The following SLC39A11 variants were observed in gnomAD, a reference collection of about 807,000 sequenced individuals.
SLC39A11 encodes the protein zinc transporter ZIP11.
SLC39A11 carries 33 observed loss-of-function variants against 36.1 expected under a neutral mutation model. That is an observed-to-expected ratio of 0.91 (90% confidence interval 0.69 to 1.22). The LOEUF is 1.22. SLC39A11 is among the 50% of genes most tolerant of loss of function. The pLI is 0.00. For synonymous variants in SLC39A11, 166 were observed against 170.3 expected, an observed-to-expected ratio of 0.97 and a Z score of 0.20; for missense variants, 432 against 430.3, an observed-to-expected ratio of 1.00 and a Z score of -0.03.
intron 6 of SLC39A11, among the ~76,000 whole-genome samples, chr17:72,759,384 C>A (rs555759647): frequency 1.1e-4 from 16 of 152,270 alleles, no homozygotes; most frequent in African/African-American, 3.9e-4. Context: ...TCACTTCACA[C>A]AAACTACAAA....
At chr17:72,662,791 G>T (rs1260952293) in intron 7 of SLC39A11, among the ~76,000 whole-genome samples, 1 of 150,764 alleles carries the variant, frequency 6.6e-6, no homozygotes, top group African/African-American at 2.4e-5. Context: ...AAGGAAGGAA[G>T]GAGGGAAGAA....
intron 5 of SLC39A11, among the ~76,000 whole-genome samples, chr17:72,934,616 A>C (rs1474995225): frequency 6.6e-6 from 1 of 152,176 alleles, no homozygotes; most frequent in Non-Finnish European, 1.5e-5. Context: ...CTGTGAGCCG[A>C]GATTGCGCCA....
In SLC39A11 at chr17:72,649,176, G is replaced by C; in HGVS notation, c.764C>G (p.Ala255Gly). 1.9e-6 allele frequency: 3 copies of C among 1,613,466 alleles called. No individual in the cohort carries two copies. Among genetic ancestry groups the C allele is most frequent in the Non-Finnish European group, 2.5e-6 (3 of 1,179,702 alleles). Reference protein sequence around the residue: ...LRGAGFSTWRAFWYGQLSGMV... With the variant: ...LRGAGFSTWRGFWYGQLSGMV... ...GCCCTTGGGCAGCACTCACCAGAAA[G>C]CTCTCCAGGTGGAGAAGCCTGCCCC... is the stretch of plus-strand genomic sequence containing the variant. The change falls in exon 8 of 10, where the codon GCT (alanine) becomes GGT (glycine). Residue 255 changes from alanine to glycine, a missense_variant. Physicochemically the swap from Ala to Gly is moderately conservative, Grantham distance 60. Coordinates refer to ENST00000255559, the MANE Select transcript of SLC39A11 (RefSeq NM_139177.4).
intron 6 of SLC39A11, among the ~76,000 whole-genome samples, chr17:72,796,222 C>A (rs1854998972): frequency 6.6e-6 from 1 of 152,120 alleles, no homozygotes; most frequent in African/African-American, 2.4e-5. Context: ...TTTTCCAACA[C>A]ACGAGACAGA....
intron 7 of SLC39A11, among the ~76,000 whole-genome samples, chr17:72,714,087 G>A (rs1343246424): frequency 6.6e-6 from 1 of 152,220 alleles, no homozygotes; most frequent in Non-Finnish European, 1.5e-5. Flanking sequence ...CGGGCGCGGT[G>A]GCTAAAGCCT....
At position 72,794,102 on chromosome 17, in the gene SLC39A11, C is replaced by T. The variant is rs146923772; in HGVS notation, c.601+55532G>A. Among the ~76,000 whole-genome samples, 40 of 152,270 alleles carry T rather than the reference C, an allele frequency of 2.6e-4. No homozygotes were observed. In the East Asian group the frequency reaches 4.2e-3, roughly 16 times the overall value. On this transcript the variant is annotated intron_variant, in intron 6 of 9. Coordinates refer to ENST00000255559, the MANE Select transcript of SLC39A11 (RefSeq NM_139177.4). ...GGCATTCTCCTGAGAGAAGCTTTAC[C>T]CATCCTGAGAAAATGAGATTTTGCA...
At chr17:73,036,893 T>TC (rs2058936523) in intron 3 of SLC39A11, among the ~76,000 whole-genome samples, 1 of 152,224 alleles carries the variant, frequency 6.6e-6, no homozygotes, top group Non-Finnish European at 1.5e-5. Flanking sequence ...TATTCATCCC[T>TC]CCTTCCCCGC....
intron 4 of SLC39A11, among the ~76,000 whole-genome samples, chr17:73,027,293 T>C (rs2058588846): frequency 6.6e-6 from 1 of 152,254 alleles, no homozygotes; most frequent in Non-Finnish European, 1.5e-5. Context: ...GGGCTCCAGC[T>C]GGCCTCGAAA....
At chr17:73,015,716 G>C (rs2090765252) in intron 4 of SLC39A11, among the ~76,000 whole-genome samples, 1 of 152,080 alleles carries the variant, frequency 6.6e-6, no homozygotes, top group African/African-American at 2.4e-5. Flanking sequence ...CCAAGTAGCT[G>C]GGATTACAGA....
intron 5 of SLC39A11, among the ~76,000 whole-genome samples, chr17:72,932,164 A>G (rs921805068): frequency 3.3e-5 from 5 of 152,074 alleles, no homozygotes; most frequent in South Asian, 4.1e-4. Flanking sequence ...AGCATTTTAC[A>G]TGTATTCACT....
chr17:72,849,351 T>G (rs1321605441), intron 6 of SLC39A11, among the ~76,000 whole-genome samples: 1 of 152,236 alleles, frequency 6.6e-6, no homozygotes, highest in Admixed American at 6.5e-5. Flanking sequence ...AGCAATCATG[T>G]AACAGTTATG....
Position 72,849,645 on chromosome 17 carries a change from T to G in SLC39A11, c.590A>C (p.His197Pro). 1.3e-6 allele frequency: 2 copies of G among 1,557,568 alleles called. No homozygotes were observed. Among genetic ancestry groups the G allele is most frequent in the South Asian group, 2.4e-5 (2 of 82,216 alleles). ...IALLILAITI[H>P]NVPEGLAVGV... is the part of the protein sequence containing the mutation. ...GGGCAAGACCTCACCTGGAACGTTG[T>G]GTATAGTGATGGCCAAGATGAGCAG... is the stretch of plus-strand genomic sequence containing the variant. The change falls in exon 6 of 10, where the codon CAC (histidine) becomes CCC (proline). Residue 197 changes from histidine to proline, a missense_variant. Coordinates refer to ENST00000255559, the MANE Select transcript of SLC39A11 (RefSeq NM_139177.4).
intron 3 of SLC39A11, among the ~76,000 whole-genome samples, chr17:73,084,328 T>C (rs1006619516): frequency 6.7e-6 from 1 of 150,328 alleles, no homozygotes; most frequent in Non-Finnish European, 1.5e-5. Context: ...TCCCAGCTAC[T>C]TGGGAGGCTG....
chr17:72,868,618 CAAAAAAAAAAAAAAAAA>C (rs71354894), intron 5 of SLC39A11, among the ~76,000 whole-genome samples: 2 of 56,476 alleles, frequency 3.5e-5, no homozygotes, highest in African/African-American at 6.7e-5. Flanking sequence ...CCTGTCTCTA[CAAAAAAAAAAAAAAAAA>C]AAAAAAAAAA....
At chr17:72,659,457 G>A (rs145533831) in intron 7 of SLC39A11, among the ~76,000 whole-genome samples, 10 of 152,242 alleles carry the variant, frequency 6.6e-5, no homozygotes, top group Admixed American at 3.3e-4. Flanking sequence ...ATGATCTGGC[G>A]GGGTGAGCTA....
intron 4 of SLC39A11, among the ~76,000 whole-genome samples, chr17:72,958,119 G>A (rs1479134829): frequency 6.6e-6 from 1 of 152,176 alleles, no homozygotes. Flanking sequence ...GTGGGGAAAG[G>A]ACACTCTTTT....
In SLC39A11 at chr17:72,786,941, TC is replaced by T. The variant is rs1012337002; in HGVS notation, c.602-50223del. Among the ~76,000 whole-genome samples the T allele has an allele frequency of 5.5e-4, 84 of 151,426 alleles. 1 individual carries two copies. Among genetic ancestry groups the T allele is most frequent in the Non-Finnish European group, 2.1e-4 (14 of 67,680 alleles). On this transcript the variant is annotated intron_variant, in intron 6 of 9. Transcript: ENST00000255559. ...TTCAAGTGATTCTCCTGCCTCAGCC[TC>T]CCAGGTAGCTGGGATTACAGGCACC...
At chr17:72,870,143 G>T (rs190971649) in intron 5 of SLC39A11, among the ~76,000 whole-genome samples, 5 of 151,812 alleles carry the variant, frequency 3.3e-5, no homozygotes, top group African/African-American at 1.2e-4. Context: ...TTTTTAATCA[G>T]TGCTTAAGGT....
At chr17:73,076,802 CTTTTTTT>C (rs76799031) in intron 3 of SLC39A11, among the ~76,000 whole-genome samples, 5 of 139,450 alleles carry the variant, frequency 3.6e-5, no homozygotes, top group African/African-American at 5.3e-5. Flanking sequence ...TTCTTTTTTT[CTTTTTTT>C]TTTTTTTTTA....
Sources: allele counts gnomAD v4.1 joint callset (sites outside exome capture counted in the v4.1 genomes callset), GRCh38; gene constraint gnomAD v4.1.1; transcripts MANE v1.5; gene names NCBI Gene and HGNC (gene_info 2026-07-23, HGNC 2026-07-21).